The following SRPK2 variants were observed in gnomAD, a reference collection of about 807,000 sequenced individuals.
SRPK2 encodes SRSF protein kinase 2.
Under a neutral mutation model 90.8 loss-of-function variants are expected in SRPK2, and 21 were observed. The ratio of observed to expected loss-of-function variants is 0.23; its 90% confidence interval spans 0.16 to 0.33. The LOEUF (loss-of-function observed/expected upper bound fraction) is 0.33. Among genes scored for constraint, SRPK2 ranks in the 10% least tolerant of loss-of-function variants. SRPK2 has a pLI of 1.00. For synonymous variants in SRPK2, 288 were observed against 311.1 expected (o/e 0.93, Z 0.78); for missense variants, 620 against 869.0 (o/e 0.71, Z 3.60).
At chr7:105,157,437 C>T (rs1806675325) in intron 7 of SRPK2, among the ~76,000 whole-genome samples, 1 of 152,240 alleles carries the variant, frequency 6.6e-6, no homozygotes, top group Non-Finnish European at 1.5e-5. Context: ...GAAAGAAATA[C>T]TGAAAACATA....
intron 2 of SRPK2, among the ~76,000 whole-genome samples, chr7:105,305,265 C>A (rs1811016338): frequency 6.6e-6 from 1 of 152,102 alleles, no homozygotes. Flanking sequence ...CATAGTGAAA[C>A]CCTATCTCCA....
chr7:105,268,817 G>A (rs1447603333), intron 2 of SRPK2: 3 of 1,599,514 alleles, frequency 1.9e-6, no homozygotes, highest in East Asian at 2.2e-5. Flanking sequence ...TTTCTGAAGA[G>A]GACGACTTCT....
intron 2 of SRPK2, among the ~76,000 whole-genome samples, chr7:105,312,090 AAAT>A (rs1811767696): frequency 6.6e-6 from 1 of 152,204 alleles, no homozygotes; most frequent in South Asian, 2.1e-4. Flanking sequence ...TAAAAATTAA[AAAT>A]AAAATGTACA....
chr7:105,159,263 ACTGCCTGAG>A lies in SRPK2; in HGVS notation c.621+1235_621+1243del, dbSNP rs1444347456. On this transcript the variant is annotated intron_variant, in intron 7 of 15. Coordinates refer to ENST00000393651, the MANE Select transcript of SRPK2 (RefSeq NM_182692.3). ...CACTTTGGAAGGCAGAGGCAGGCAG[ACTGCCTGAG>A]CTTAGGAGTTTGAGACCACCCTGGG... Among the ~76,000 whole-genome samples the A allele has an allele frequency of 3.3e-5, 5 of 151,888 alleles. No individual in the cohort carries two copies. In the South Asian group the frequency reaches 8.3e-4, roughly 25 times the overall value.
chr7:105,201,834 T>G (rs1444001560), intron 3 of SRPK2, among the ~76,000 whole-genome samples: 1 of 151,890 alleles, frequency 6.6e-6, no homozygotes, highest in East Asian at 1.9e-4. Flanking sequence ...CAGTGAGCTG[T>G]GATCACGCCA....
intron 3 of SRPK2, among the ~76,000 whole-genome samples, chr7:105,176,557 A>ATATGTTTGTG (rs142490071): frequency 6.8e-6 from 1 of 148,030 alleles, no homozygotes; most frequent in African/African-American, 2.5e-5. Flanking sequence ...TTTTGCATAT[A>ATATGTTTGTG]TGTGTGTGTG....
intron 2 of SRPK2, among the ~76,000 whole-genome samples, chr7:105,355,064 T>C (rs1468327830): frequency 1.3e-5 from 2 of 152,230 alleles, no homozygotes; most frequent in East Asian, 3.8e-4. Flanking sequence ...TGTTGTAGCA[T>C]GTAACAGTAC....
chr7:105,133,657 G>A (rs776462773), intron 11 of SRPK2, among the ~76,000 whole-genome samples: 13 of 152,212 alleles, frequency 8.5e-5, no homozygotes, highest in Non-Finnish European at 1.6e-4. Flanking sequence ...CAGATCTCAA[G>A]GGGTAGATGA....
At chr7:105,316,427 A>G (rs1231189175) in intron 2 of SRPK2, among the ~76,000 whole-genome samples, 3 of 152,182 alleles carry the variant, frequency 2.0e-5, no homozygotes, top group Non-Finnish European at 4.4e-5. Context: ...ACTCACTTAC[A>G]CTACTTTACC....
At chr7:105,204,198 C>G (rs957872499) in intron 2 of SRPK2, among the ~76,000 whole-genome samples, 3 of 152,208 alleles carry the variant, frequency 2.0e-5, no homozygotes, top group African/African-American at 7.2e-5. Context: ...CAGCACTCAA[C>G]TTTTGAAAGC....
At chr7:105,175,649 A>G (rs1389148317) in intron 3 of SRPK2, among the ~76,000 whole-genome samples, 4 of 152,174 alleles carry the variant, frequency 2.6e-5, no homozygotes, top group Non-Finnish European at 5.9e-5. Flanking sequence ...GCAGTGAGAG[A>G]AAACACAAAT....
At chr7:105,159,490 A>C (rs995546139) in intron 7 of SRPK2, among the ~76,000 whole-genome samples, 5 of 150,208 alleles carry the variant, frequency 3.3e-5, no homozygotes, top group African/African-American at 9.8e-5. Context: ...AAAAGGAAGA[A>C]GAGATGAACA....
chr7:105,263,406 AGAAT>A (rs922823985), intron 2 of SRPK2, among the ~76,000 whole-genome samples: 2 of 152,224 alleles, frequency 1.3e-5, no homozygotes, highest in African/African-American at 4.8e-5. Context: ...GCTCATTAAT[AGAAT>A]GAATAAACTG....
chr7:105,381,751 A>G (rs1421020797), intron 2 of SRPK2, among the ~76,000 whole-genome samples: 3 of 152,206 alleles, frequency 2.0e-5, no homozygotes, highest in African/African-American at 7.2e-5. Context: ...AAAATTAGGT[A>G]ATCCATGAGA....
intron 3 of SRPK2, among the ~76,000 whole-genome samples, chr7:105,169,789 C>T (rs1317664667): frequency 6.6e-6 from 1 of 152,164 alleles, no homozygotes. Flanking sequence ...CCATCTAGCA[C>T]ACCGTAATGA....
At chr7:105,170,149 T>C (rs1477610882) in intron 3 of SRPK2, among the ~76,000 whole-genome samples, 1 of 152,226 alleles carries the variant, frequency 6.6e-6, no homozygotes, top group African/African-American at 2.4e-5. Context: ...GTGTACGTTA[T>C]GCACATACCA....
chr7:105,293,316 C>T (rs994967663), intron 2 of SRPK2, among the ~76,000 whole-genome samples: 4 of 152,096 alleles, frequency 2.6e-5, no homozygotes, highest in African/African-American at 9.7e-5. Context: ...TGCCAGGCTC[C>T]TTTATATGAT....
intron 2 of SRPK2, among the ~76,000 whole-genome samples, chr7:105,328,638 G>A (rs1813889809): frequency 6.6e-6 from 1 of 151,664 alleles, no homozygotes; most frequent in Non-Finnish European, 1.5e-5. Context: ...GCCGAGACGG[G>A]TGGATCACAA....
In SRPK2 at chr7:105,145,170, T is replaced by G. The variant is rs561170012; in HGVS notation, c.813+113A>C. 1.0e-4 allele frequency: 71 copies of G among 713,198 alleles called. 2 individuals are homozygous for G. In the South Asian group the frequency reaches 2.5e-3, roughly 25 times the overall value. 44.2% of individuals were successfully genotyped at this position (713,198 alleles called of 1,614,324 possible). On this transcript the variant is annotated intron_variant, in intron 9 of 15. Coordinates refer to ENST00000393651, the MANE Select transcript of SRPK2 (RefSeq NM_182692.3). ...CTTACCTATTTGAGGATACACAGCT[T>G]TTATAAATGTGTCTACCCTTTAAAT... is the stretch of plus-strand genomic sequence containing the variant.
Sources: gnomAD v4.1 joint callset for allele counts (sites outside exome capture counted in the v4.1 genomes callset) on GRCh38, gnomAD v4.1.1 for gene constraint, MANE v1.5 for transcripts, NCBI Gene and HGNC (gene_info 2026-07-23, HGNC 2026-07-21) for gene names.